Variants in STXBP5L observed in about 807,000 individuals in gnomAD.
STXBP5L encodes syntaxin-binding protein 5-like.
In STXBP5L, 65 loss-of-function variants were observed where a neutral mutation model predicts 144.5. The ratio of observed to expected loss-of-function variants is 0.45; its 90% confidence interval spans 0.37 to 0.55. The LOEUF (loss-of-function observed/expected upper bound fraction) is 0.55, where lower values mean the gene tolerates loss of function less well. Ranked by LOEUF, STXBP5L falls within the 20% of genes least tolerant of loss-of-function variation. STXBP5L has a pLI of 0.00. For synonymous variants in STXBP5L, 505 were observed against 469.6 expected (o/e 1.08, Z -0.97); for missense variants, 1,298 against 1,405.5 (o/e 0.92, Z 1.22).
intron 9 of STXBP5L, among the ~76,000 whole-genome samples, chr3:121,183,630 G>A (rs2047248301): frequency 6.6e-6 from 1 of 150,772 alleles, no homozygotes; most frequent in South Asian, 2.2e-4. Context: ...AGGAAGGGAG[G>A]GAGGAAGGAA....
At chr3:121,348,098 C>T (rs934977546) in intron 20 of STXBP5L, among the ~76,000 whole-genome samples, 9 of 152,100 alleles carry the variant, frequency 5.9e-5, no homozygotes, top group Non-Finnish European at 1.2e-4. Flanking sequence ...GTGGGTTTGT[C>T]ATAGATAGCT....
chr3:120,952,237 G>T (rs1321674799), intron 2 of STXBP5L, among the ~76,000 whole-genome samples: 11 of 152,116 alleles, frequency 7.2e-5, no homozygotes, highest in Non-Finnish European at 1.2e-4. Flanking sequence ...AGCCAGCTGG[G>T]ATTTTGACAG....
chr3:121,054,975 G>T (rs770778151), intron 5 of STXBP5L, among the ~76,000 whole-genome samples: 1 of 152,056 alleles, frequency 6.6e-6, no homozygotes, highest in Admixed American at 6.6e-5. Flanking sequence ...GGACTTTTTG[G>T]GAGGAAGAAT....
intron 5 of STXBP5L, among the ~76,000 whole-genome samples, chr3:121,067,425 G>C (rs1230146504): frequency 6.6e-6 from 1 of 152,046 alleles, no homozygotes; most frequent in East Asian, 1.9e-4. Flanking sequence ...TAGTTTTCAA[G>C]AAGTTGAGAG....
chr3:121,079,950 T>C (rs2042181817), intron 5 of STXBP5L, among the ~76,000 whole-genome samples: 1 of 152,220 alleles, frequency 6.6e-6, no homozygotes, highest in Non-Finnish European at 1.5e-5. Context: ...ATTGTGTTGC[T>C]GTCTATTTTA....
At chr3:121,088,272 G>GACGAAGGACA (rs2042596501) in intron 5 of STXBP5L, among the ~76,000 whole-genome samples, 1 of 126,938 alleles carries the variant, frequency 7.9e-6, no homozygotes, top group East Asian at 2.2e-4. Context: ...CCATCAAAAA[G>GACGAAGGACA]TGGGCGAAGG....
intron 18 of STXBP5L, 87 bp from the exon 19 acceptor site, chr3:121,279,718 C>T: frequency 1.3e-6 from 2 of 1,524,204 alleles, no homozygotes; most frequent in Non-Finnish European, 1.8e-6. Context: ...TAAGACATTA[C>T]TTTTCAATAA....
At chr3:120,986,913 G>C (rs927157785) in intron 3 of STXBP5L, among the ~76,000 whole-genome samples, 1 of 151,884 alleles carries the variant, frequency 6.6e-6, no homozygotes, top group Non-Finnish European at 1.5e-5. Context: ...AGAAAAGGTG[G>C]AACATAAGTG....
At chr3:121,344,367 AG>A (rs2044862925) in intron 20 of STXBP5L, among the ~76,000 whole-genome samples, 1 of 152,156 alleles carries the variant, frequency 6.6e-6, no homozygotes, top group Non-Finnish European at 1.5e-5. Context: ...AAACACCAAA[AG>A]CAATGGCAAC....
intron 2 of STXBP5L, among the ~76,000 whole-genome samples, chr3:120,911,485 A>G (rs1207644101): frequency 1.3e-5 from 2 of 152,122 alleles, no homozygotes; most frequent in Non-Finnish European, 2.9e-5. Flanking sequence ...TGATTTCTGC[A>G]TCTGCAGTGT....
At chr3:121,353,386 C>T (rs1394970516) in intron 20 of STXBP5L, among the ~76,000 whole-genome samples, 1 of 152,100 alleles carries the variant, frequency 6.6e-6, no homozygotes, top group African/African-American at 2.4e-5. Context: ...TTCAGAGATT[C>T]AACTTTTTCC....
intron 5 of STXBP5L, among the ~76,000 whole-genome samples, chr3:121,095,808 G>A (rs1031149512): frequency 6.6e-6 from 1 of 152,172 alleles, no homozygotes; most frequent in African/African-American, 2.4e-5. Flanking sequence ...TCTCCATCCA[G>A]CTTTGTTCTG....
intron 3 of STXBP5L, among the ~76,000 whole-genome samples, chr3:121,021,456 A>C (rs1442450714): frequency 6.6e-6 from 1 of 152,216 alleles, no homozygotes; most frequent in Non-Finnish European, 1.5e-5. Context: ...CAACAACTGC[A>C]GAATATACCT....
intron 3 of STXBP5L, among the ~76,000 whole-genome samples, chr3:121,037,368 G>A (rs563386752): frequency 1.2e-4 from 18 of 151,322 alleles, no homozygotes; most frequent in African/African-American, 3.4e-4. Context: ...TTGCCTCACC[G>A]TCCTTACTAT....
chr3:121,158,543 G>C (rs2046200978), intron 9 of STXBP5L: 1 of 152,042 alleles, frequency 6.6e-6, no homozygotes, highest in Admixed American at 6.6e-5. Flanking sequence ...CATTCTTCCA[G>C]GATGTAAATG....
intron 9 of STXBP5L, among the ~76,000 whole-genome samples, chr3:121,201,655 G>C (rs1457362481): frequency 6.8e-6 from 1 of 146,170 alleles, no homozygotes; most frequent in African/African-American, 2.5e-5. Flanking sequence ...GTTACTGGTT[G>C]TTTTTTTTTT....
intron 2 of STXBP5L, among the ~76,000 whole-genome samples, chr3:120,914,651 A>T (rs2107560409): frequency 6.6e-6 from 1 of 152,194 alleles, no homozygotes; most frequent in East Asian, 1.9e-4. Flanking sequence ...TGCAACTGAG[A>T]TTGGGAAAAG....
At chr3:120,949,083 T>A (rs1256246411) in intron 2 of STXBP5L, among the ~76,000 whole-genome samples, 1 of 151,988 alleles carries the variant, frequency 6.6e-6, no homozygotes, top group Non-Finnish European at 1.5e-5. Context: ...ATTTTTTGAT[T>A]TTTAAATTAT....
At chr3:121,180,733 G>A (rs1045493810) in intron 9 of STXBP5L, among the ~76,000 whole-genome samples, 6 of 152,130 alleles carry the variant, frequency 3.9e-5, no homozygotes, top group African/African-American at 1.4e-4. Flanking sequence ...AATTAGCTAG[G>A]CATGGTAGCT....
Sources: allele counts gnomAD v4.1 joint callset (sites outside exome capture counted in the v4.1 genomes callset), GRCh38; gene constraint gnomAD v4.1.1; transcripts MANE v1.5; gene names NCBI Gene and HGNC (gene_info 2026-07-23, HGNC 2026-07-21).